Variants in NRXN3 observed in about 807,000 individuals in gnomAD.
NRXN3 encodes the protein neurexin III.
Under a neutral mutation model 137.6 loss-of-function variants are expected in NRXN3, and 32 were observed. That is an observed-to-expected ratio of 0.23 (90% CI 0.18 to 0.31). The LOEUF (loss-of-function observed/expected upper bound fraction) is 0.31. NRXN3 is among the 10% of genes least tolerant of loss of function. The probability of loss-of-function intolerance (pLI) is 1.00; values close to 1 mark genes in which losing one functional copy is unlikely to be tolerated. For missense variants in NRXN3, 1,574 were observed against 2,062.5 expected, an observed-to-expected ratio of 0.76 and a Z score of 4.59; for synonymous variants, 798 against 784.5, an observed-to-expected ratio of 1.02 and a Z score of -0.29.
At chr14:78,958,196 C>T (rs2099400567) in intron 11 of NRXN3, among the ~76,000 whole-genome samples, 1 of 151,926 alleles carries the variant, frequency 6.6e-6, no homozygotes, top group Non-Finnish European at 1.5e-5. Context: ...ATTTGTCAAT[C>T]AGAAGAGAGA....
At chr14:79,376,004 A>G (rs2094263774) in intron 15 of NRXN3, among the ~76,000 whole-genome samples, 1 of 148,826 alleles carries the variant, frequency 6.7e-6, no homozygotes, top group African/African-American at 2.4e-5. Flanking sequence ...AGTAATGTAT[A>G]TAATAATATA....
intron 15 of NRXN3, among the ~76,000 whole-genome samples, chr14:79,056,497 A>T (rs529976599): frequency 1.3e-5 from 2 of 152,198 alleles, no homozygotes; most frequent in African/African-American, 4.8e-5. Context: ...AGTGAAACAC[A>T]TATCAATATA....
At chr14:79,833,992 C>T (rs2141299711) in intron 20 of NRXN3, among the ~76,000 whole-genome samples, 1 of 152,166 alleles carries the variant, frequency 6.6e-6, no homozygotes, top group East Asian at 1.9e-4. Flanking sequence ...GTTCTGGCTG[C>T]CCTCCCAGGA....
At chr14:79,110,277 A>G (rs2053234412) in intron 15 of NRXN3, among the ~76,000 whole-genome samples, 1 of 152,340 alleles carries the variant, frequency 6.6e-6, no homozygotes, top group East Asian at 1.9e-4. Context: ...CACACATAAG[A>G]AACTACAAAG....
Position 79,491,254 on chromosome 14 carries a change from C to A in NRXN3, c.3444+23852C>A, listed in dbSNP as rs138778954. 2.5e-3 allele frequency among the ~76,000 whole-genome samples: 384 copies of A among 152,222 alleles called. 1 individual carries two copies. Among genetic ancestry groups the A allele is most frequent in the African/African-American group, 8.3e-3 (346 of 41,532 alleles). ...ATTTGAATCCATTTTGCCTGGAGCC[C>A]AAGCCCAGGTTCTTTCTCCTAACTG... On this transcript the variant is annotated intron_variant, in intron 16 of 20. Coordinates refer to ENST00000335750, the MANE Select transcript of NRXN3 (RefSeq NM_001330195.2).
At chr14:79,598,258 C>T (rs1379362773) in intron 16 of NRXN3, among the ~76,000 whole-genome samples, 4 of 152,002 alleles carry the variant, frequency 2.6e-5, no homozygotes, top group Non-Finnish European at 4.4e-5. Context: ...GTCTGGGGGC[C>T]GAGATGTGAT....
At chr14:79,344,055 T>TA (rs1286112059) in intron 15 of NRXN3, among the ~76,000 whole-genome samples, 4 of 152,034 alleles carry the variant, frequency 2.6e-5, no homozygotes, top group African/African-American at 7.2e-5. Flanking sequence ...GGAAGAGAGG[T>TA]AAAAAAATGT....
intron 17 of NRXN3, among the ~76,000 whole-genome samples, chr14:79,672,454 A>G (rs2098613852): frequency 1.3e-5 from 2 of 152,054 alleles, no homozygotes; most frequent in African/African-American, 4.8e-5. Context: ...GTGTAGTCAC[A>G]CTTTATGGGA....
At chr14:78,368,607 A>G (rs1311041809) in intron 4 of NRXN3, among the ~76,000 whole-genome samples, 2 of 152,214 alleles carry the variant, frequency 1.3e-5, no homozygotes, top group Non-Finnish European at 2.9e-5. Flanking sequence ...AGGAAGGAGA[A>G]TCACTTGAAT....
chr14:78,474,624 TAAGGGC>T (rs1188520050), intron 4 of NRXN3, among the ~76,000 whole-genome samples: 1 of 152,058 alleles, frequency 6.6e-6, no homozygotes, highest in Non-Finnish European at 1.5e-5. Flanking sequence ...TCCTGGTTGC[TAAGGGC>T]ATGAATATCA....
intron 15 of NRXN3, among the ~76,000 whole-genome samples, chr14:79,393,614 A>T (rs35441767): frequency 6.6e-6 from 1 of 151,960 alleles, no homozygotes; most frequent in Non-Finnish European, 1.5e-5. Flanking sequence ...GAAGATCGAG[A>T]CCATCCTGGC....
Position 79,127,246 on chromosome 14 carries a change from C to T in NRXN3, c.3262+139105C>T, listed in dbSNP as rs1200693520. On this transcript the variant is annotated intron_variant, in intron 15 of 20. Coordinates refer to ENST00000335750, the MANE Select transcript of NRXN3 (RefSeq NM_001330195.2). Reference sequence around the variant, plus strand: ...TTTGGTGTTTTAGACATGAAGTCCTCACCCATGCCTATGTCCTGAATGGTA... The same window carrying T: ...TTTGGTGTTTTAGACATGAAGTCCTTACCCATGCCTATGTCCTGAATGGTA... 3.3e-5 allele frequency among the ~76,000 whole-genome samples: 5 copies of T among 152,246 alleles called. No individual in the cohort carries two copies. In the East Asian group the frequency reaches 5.8e-4, roughly 18 times the overall value.
intron 16 of NRXN3, among the ~76,000 whole-genome samples, chr14:79,601,199 C>A (rs960731060): frequency 6.6e-5 from 10 of 151,920 alleles, no homozygotes; most frequent in Admixed American, 5.9e-4. Flanking sequence ...CACGCCACCA[C>A]GCCCAACTAA....
intron 15 of NRXN3, among the ~76,000 whole-genome samples, chr14:79,243,192 T>A (rs2074583878): frequency 6.6e-6 from 1 of 152,122 alleles, no homozygotes; most frequent in Non-Finnish European, 1.5e-5. Context: ...AGAAATACAA[T>A]GTAAAAATTC....
chr14:78,643,037 C>T (rs2097650878), intron 4 of NRXN3, among the ~76,000 whole-genome samples: 2 of 152,296 alleles, frequency 1.3e-5, no homozygotes, highest in South Asian at 4.1e-4. Flanking sequence ...ACAAGAGAAA[C>T]TTGATCTCTT....
intron 19 of NRXN3, among the ~76,000 whole-genome samples, chr14:79,757,976 T>A (rs914025383): frequency 7.9e-5 from 12 of 152,194 alleles, no homozygotes; most frequent in South Asian, 6.2e-4. Flanking sequence ...ATATACTTTT[T>A]TTCCCCTCCA....
At chr14:79,338,218 A>AGT (rs56816357) in intron 15 of NRXN3, among the ~76,000 whole-genome samples, 3,974 of 141,182 alleles carry the variant, frequency 0.028, 129 homozygotes, top group Admixed American at 0.12. Flanking sequence ...TGTGTATGTG[A>AGT]GTGTGTGTGT....
chr14:78,645,032 C>T, intron 4 of NRXN3, 88 bp from the exon 5 acceptor site: 1 of 1,180,746 alleles, frequency 8.5e-7, no homozygotes, highest in Non-Finnish European at 1.2e-6. Context: ...CGGGGCAGTG[C>T]CCCTGCGGTG....
chr14:79,241,385 A>T (rs1403263822), intron 15 of NRXN3, among the ~76,000 whole-genome samples: 1 of 152,212 alleles, frequency 6.6e-6, no homozygotes, highest in East Asian at 1.9e-4. Context: ...GTGGACTCAC[A>T]GTTCCACATG....
Sources: allele counts gnomAD v4.1 joint callset (sites outside exome capture counted in the v4.1 genomes callset), GRCh38; gene constraint gnomAD v4.1.1; transcripts MANE v1.5; gene names NCBI Gene and HGNC (gene_info 2026-07-23, HGNC 2026-07-21).